Variants in PIK3C2G observed in about 807,000 individuals in gnomAD.
PIK3C2G encodes phosphatidylinositol 3-kinase C2 domain-containing subunit gamma.
A neutral mutation model predicts 181.1 loss-of-function variants in PIK3C2G; 168 were observed. The observed-to-expected ratio is 0.93, with a 90% CI of 0.82 to 1.05. PIK3C2G has a LOEUF of 1.05. PIK3C2G is among the 50% of genes least tolerant of loss of function. PIK3C2G has a pLI of 0.00. For missense variants in PIK3C2G, 1,869 were observed against 1,732.8 expected, an observed-to-expected ratio of 1.08 and a Z score of -1.40; for synonymous variants, 573 against 592.2, an observed-to-expected ratio of 0.97 and a Z score of 0.47.
intron 18 of PIK3C2G, among the ~76,000 whole-genome samples, chr12:18,427,734 CA>C (rs1021218982): frequency 4.0e-5 from 6 of 151,216 alleles, no homozygotes; most frequent in African/African-American, 1.5e-4. Context: ...TCACTGTTTC[CA>C]AAAAGGTTGG....
chr12:18,449,160 C>A (rs1947197145), intron 18 of PIK3C2G, among the ~76,000 whole-genome samples: 1 of 152,064 alleles, frequency 6.6e-6, no homozygotes, highest in Non-Finnish European at 1.5e-5. Context: ...ACCATATATG[C>A]TTGCATTTAT....
chr12:18,631,827 A>C (rs1949364718), intron 31 of PIK3C2G, among the ~76,000 whole-genome samples: 1 of 152,172 alleles, frequency 6.6e-6, no homozygotes, highest in Admixed American at 6.5e-5. Flanking sequence ...GAGGAGGAAT[A>C]GAAGATAGAT....
chr12:18,700,850 T>C, the PIK3C2G span, among the ~76,000 whole-genome samples: 1 of 152,184 alleles, frequency 6.6e-6, no homozygotes, highest in Non-Finnish European at 1.5e-5. Context: ...CATATAACAT[T>C]ATGTATTATT....
chr12:18,413,443 T>C (rs1944987602), intron 16 of PIK3C2G, among the ~76,000 whole-genome samples: 6 of 152,186 alleles, frequency 3.9e-5, no homozygotes, highest in Admixed American at 3.9e-4. Flanking sequence ...GAAGTATTTT[T>C]TTCATAATAA....
At chr12:18,670,117 G>C in the PIK3C2G span, among the ~76,000 whole-genome samples, 4 of 152,092 alleles carry the variant, frequency 2.6e-5, no homozygotes, top group Admixed American at 2.0e-4. Context: ...GGAATGTTTG[G>C]AGAGGACATA....
chr12:18,432,389 G>A (rs1946211598), intron 18 of PIK3C2G, among the ~76,000 whole-genome samples: 1 of 151,970 alleles, frequency 6.6e-6, no homozygotes, highest in Non-Finnish European at 1.5e-5. Flanking sequence ...CCAGGCCTTT[G>A]GGAACTGAGC....
intron 29 of PIK3C2G, among the ~76,000 whole-genome samples, chr12:18,580,793 T>A (rs1946457516): frequency 6.6e-6 from 1 of 152,232 alleles, no homozygotes; most frequent in Admixed American, 6.5e-5. Flanking sequence ...CAACTTTGAT[T>A]TAAAACTCTT....
At chr12:18,641,544 T>C (rs765686434) in intron 32 of PIK3C2G, among the ~76,000 whole-genome samples, 3 of 152,114 alleles carry the variant, frequency 2.0e-5, no homozygotes, top group Non-Finnish European at 4.4e-5. Context: ...TCCATTTCTC[T>C]ACCACCTCTC....
chr12:18,252,410 A>G (rs997022215), intron 1 of PIK3C2G, among the ~76,000 whole-genome samples: 9 of 152,212 alleles, frequency 5.9e-5, no homozygotes, highest in Admixed American at 2.6e-4. Flanking sequence ...AGAAAAACTA[A>G]TATCTTTTCC....
At chr12:18,693,119 G>T in the PIK3C2G span, 1 of 1,520,038 alleles carries the variant, frequency 6.6e-7, no homozygotes, top group Non-Finnish European at 9.1e-7. Context: ...TCTTGGAAGA[G>T]ATCATTGATG....
intron 11 of PIK3C2G, among the ~76,000 whole-genome samples, chr12:18,360,694 C>G (rs953784207): frequency 2.0e-5 from 3 of 152,204 alleles, no homozygotes; most frequent in Middle Eastern, 3.4e-3. Context: ...TATTTCTCTC[C>G]CTTCTGGCTT....
chr12:18,695,822 C>A, the PIK3C2G span, among the ~76,000 whole-genome samples: 1 of 152,084 alleles, frequency 6.6e-6, no homozygotes, highest in Non-Finnish European at 1.5e-5. Flanking sequence ...TTTGAAGAGG[C>A]CTTGAGCATA....
At chr12:18,298,047 T>A (rs1950015324) in intron 5 of PIK3C2G, among the ~76,000 whole-genome samples, 1 of 152,000 alleles carries the variant, frequency 6.6e-6, no homozygotes, top group Non-Finnish European at 1.5e-5. Flanking sequence ...CACCCATAAG[T>A]AGGATTCCTG....
chr12:18,498,666 G>C (rs1210439977), intron 22 of PIK3C2G, among the ~76,000 whole-genome samples: 1 of 151,792 alleles, frequency 6.6e-6, no homozygotes, highest in Non-Finnish European at 1.5e-5. Context: ...CCCACCAGCA[G>C]GCTCAATACC....
chr12:18,449,191 T>C (rs1469258121), intron 18 of PIK3C2G, among the ~76,000 whole-genome samples: 1 of 152,186 alleles, frequency 6.6e-6, no homozygotes, highest in East Asian at 1.9e-4. Context: ...ACTATTCTGT[T>C]CCATTGGTCT....
the PIK3C2G span, among the ~76,000 whole-genome samples, chr12:18,724,054 G>T: frequency 6.6e-6 from 1 of 152,060 alleles, no homozygotes; most frequent in Non-Finnish European, 1.5e-5. Flanking sequence ...AGAAAGAGTG[G>T]ATTCGAAAGG....
At chr12:18,655,277 A>AAT in the PIK3C2G span, among the ~76,000 whole-genome samples, 1 of 152,150 alleles carries the variant, frequency 6.6e-6, no homozygotes, top group Non-Finnish European at 1.5e-5. Context: ...GAAGGAAAAA[A>AAT]ATATTCCCAA....
intron 32 of PIK3C2G, among the ~76,000 whole-genome samples, chr12:18,644,362 A>G (rs11044232): frequency 0.12 from 18,980 of 152,068 alleles, 1,463 homozygotes; most frequent in African/African-American, 0.21. Context: ...CTTCTTAAAA[A>G]CCATCATTTT....
At chr12:18,567,996 G>A (rs1466941157) in intron 29 of PIK3C2G, among the ~76,000 whole-genome samples, 1 of 152,146 alleles carries the variant, frequency 6.6e-6, no homozygotes, top group South Asian at 2.1e-4. Flanking sequence ...TGACCTCTGA[G>A]TGTGTCATCA....
Sources: allele counts gnomAD v4.1 joint callset (sites outside exome capture counted in the v4.1 genomes callset), GRCh38; gene constraint gnomAD v4.1.1; transcripts MANE v1.5; gene names NCBI Gene and HGNC (gene_info 2026-07-23, HGNC 2026-07-21).